The following CDKAL1 variants were observed in gnomAD, a reference collection of about 807,000 sequenced individuals.
The protein encoded by CDKAL1 is CDKAL1 threonylcarbamoyladenosine tRNA methylthiotransferase.
CDKAL1 carries 32 observed loss-of-function variants against 68.2 expected under a neutral mutation model. That is an observed-to-expected ratio of 0.47 (90% confidence interval 0.35 to 0.63). CDKAL1 has a LOEUF of 0.63. Among genes scored for constraint, CDKAL1 ranks in the 30% least tolerant of loss-of-function variants. CDKAL1 has a pLI of 0.00. For synonymous variants in CDKAL1, 234 were observed against 244.3 expected, an observed-to-expected ratio of 0.96 and a Z score of 0.39; for missense variants, 606 against 696.7, an observed-to-expected ratio of 0.87 and a Z score of 1.47.
At chr6:21,074,804 T>G (rs1386137156) in intron 12 of CDKAL1, among the ~76,000 whole-genome samples, 1 of 152,118 alleles carries the variant, frequency 6.6e-6, no homozygotes, top group Admixed American at 6.5e-5. Flanking sequence ...TCTTAAAAAT[T>G]TATTATTTTT....
chr6:21,219,954 G>A (rs576801330), intron 15 of CDKAL1, among the ~76,000 whole-genome samples: 10 of 152,166 alleles, frequency 6.6e-5, no homozygotes, highest in Non-Finnish European at 1.2e-4. Context: ...GAATGGTTTC[G>A]GGTGTGAGAG....
At chr6:21,092,745 A>AT (rs1303705794) in intron 12 of CDKAL1, among the ~76,000 whole-genome samples, 1 of 151,904 alleles carries the variant, frequency 6.6e-6, no homozygotes, top group East Asian at 1.9e-4. Flanking sequence ...AAAAAAAAAA[A>AT]AAAGAAGTTA....
intron 5 of CDKAL1, among the ~76,000 whole-genome samples, chr6:20,707,430 T>A (rs1006133365): frequency 2.0e-5 from 3 of 152,224 alleles, no homozygotes; most frequent in East Asian, 1.9e-4. Flanking sequence ...AACATCTGAG[T>A]CTTTACATTT....
chr6:20,902,311 T>A (rs947455143), intron 9 of CDKAL1, among the ~76,000 whole-genome samples: 7 of 8,222 alleles, frequency 8.5e-4, no homozygotes, highest in African/African-American at 5.1e-3. Context: ...CGTGGTGGAT[T>A]CACACACACA....
chr6:21,230,743 G>A, intron 15 of CDKAL1, 105 bp from the exon 16 acceptor site: 1 of 849,782 alleles, frequency 1.2e-6, no homozygotes, highest in Non-Finnish European at 1.7e-6. Context: ...TGTTGAAGGA[G>A]TACATAAAAG....
chr6:21,147,198 TC>T (rs1370659199), intron 13 of CDKAL1, among the ~76,000 whole-genome samples: 1 of 152,054 alleles, frequency 6.6e-6, no homozygotes, highest in Non-Finnish European at 1.5e-5. Context: ...GTCATTTTTT[TC>T]CCCCAATGTT....
At chr6:21,021,509 T>C (rs1370695179) in intron 11 of CDKAL1, among the ~76,000 whole-genome samples, 2 of 152,170 alleles carry the variant, frequency 1.3e-5, no homozygotes, top group African/African-American at 2.4e-5. Flanking sequence ...AAAAAAAACA[T>C]TGAAAATATT....
intron 9 of CDKAL1, among the ~76,000 whole-genome samples, chr6:20,918,684 C>T (rs1762823725): frequency 6.6e-6 from 1 of 152,186 alleles, no homozygotes; most frequent in South Asian, 2.1e-4. Flanking sequence ...TGATTTTAGG[C>T]TGGAGTTGAT....
chr6:20,986,667 A>C (rs185807504), intron 10 of CDKAL1, among the ~76,000 whole-genome samples: 1 of 152,108 alleles, frequency 6.6e-6, no homozygotes, highest in Non-Finnish European at 1.5e-5. Flanking sequence ...AAAAAAGTAA[A>C]TAGAGAATCA....
At chr6:21,229,860 C>T (rs1779890080) in intron 15 of CDKAL1, among the ~76,000 whole-genome samples, 1 of 152,186 alleles carries the variant, frequency 6.6e-6, no homozygotes, top group Admixed American at 6.5e-5. Flanking sequence ...CCAGGTGCTC[C>T]TCTCTCCGCT....
intron 4 of CDKAL1, among the ~76,000 whole-genome samples, chr6:20,562,510 G>A (rs1467586190): frequency 6.6e-6 from 1 of 152,044 alleles, no homozygotes; most frequent in African/African-American, 2.4e-5. Context: ...AGGCTGAGGT[G>A]GGCGGATCAC....
At chr6:20,672,935 C>T (rs372485236) in intron 5 of CDKAL1, among the ~76,000 whole-genome samples, 1 of 152,188 alleles carries the variant, frequency 6.6e-6, no homozygotes, top group African/African-American at 2.4e-5. Flanking sequence ...AGCTACCATG[C>T]CCAGCTAATT....
At chr6:20,928,911 A>G (rs371445515) in intron 9 of CDKAL1, among the ~76,000 whole-genome samples, 75 of 152,304 alleles carry the variant, frequency 4.9e-4, no homozygotes, top group African/African-American at 1.7e-3. Context: ...ACACAAATCT[A>G]TTCAACTCAA....
Position 20,692,364 on chromosome 6 carries a change from C to A in CDKAL1, c.371+42987C>A, listed in dbSNP as rs191433212. Among the ~76,000 whole-genome samples, 112 of 152,304 alleles carry A rather than the reference C, an allele frequency of 7.4e-4. 1 individual carries two copies. In the Middle Eastern group the frequency reaches 0.01, roughly 14 times the overall value. On this transcript the variant is annotated intron_variant, in intron 5 of 15. Coordinates refer to ENST00000274695, the MANE Select transcript of CDKAL1 (RefSeq NM_017774.3). ...GTTTTAGTCAGCTTTCTGTTGGGAG[C>A]TCCAAACATCATAAAATCTTGTGAA...
chr6:21,044,449 A>G (rs1770108259), intron 11 of CDKAL1, among the ~76,000 whole-genome samples: 1 of 152,292 alleles, frequency 6.6e-6, no homozygotes, highest in Admixed American at 6.5e-5. Context: ...AGCATCACAC[A>G]CATTTATACA....
At chr6:20,966,172 G>T (rs1479541441) in intron 10 of CDKAL1, among the ~76,000 whole-genome samples, 2 of 152,104 alleles carry the variant, frequency 1.3e-5, no homozygotes, top group Non-Finnish European at 2.9e-5. Flanking sequence ...AGCAAAGTCC[G>T]TTCCCTTCAT....
At chr6:21,173,995 A>G (rs1777487871) in intron 13 of CDKAL1, among the ~76,000 whole-genome samples, 1 of 152,200 alleles carries the variant, frequency 6.6e-6, no homozygotes. Flanking sequence ...GCTTCAGTGC[A>G]GGAATTTGAG....
At chr6:20,594,375 A>T (rs1765726650) in intron 4 of CDKAL1, among the ~76,000 whole-genome samples, 1 of 152,148 alleles carries the variant, frequency 6.6e-6, no homozygotes, top group East Asian at 1.9e-4. Context: ...TTGGGTGTGT[A>T]TACATCTAGG....
intron 7 of CDKAL1, among the ~76,000 whole-genome samples, chr6:20,778,894 C>G (rs1043795532): frequency 6.6e-6 from 1 of 152,130 alleles, no homozygotes; most frequent in Non-Finnish European, 1.5e-5. Context: ...AATGTTATCT[C>G]ATCTAGAAAC....
Sources: gnomAD v4.1 joint callset for allele counts (sites outside exome capture counted in the v4.1 genomes callset) on GRCh38, gnomAD v4.1.1 for gene constraint, MANE v1.5 for transcripts, NCBI Gene and HGNC (gene_info 2026-07-23, HGNC 2026-07-21) for gene names.